Variants in CTTNBP2 observed in about 807,000 individuals in gnomAD.
CTTNBP2 encodes cortactin binding protein 2, also known as cortactin-binding protein 2.
In CTTNBP2, 108 loss-of-function variants were observed where a neutral mutation model predicts 156.9. The observed-to-expected ratio is 0.69, with a 90% CI of 0.59 to 0.81. CTTNBP2 has a LOEUF of 0.81. Ranked by LOEUF, CTTNBP2 falls within the 30% of genes least tolerant of loss-of-function variation. CTTNBP2 has a pLI of 0.00. For missense variants in CTTNBP2, 1,924 were observed against 2,035.4 expected (o/e 0.95, Z 1.05); for synonymous variants, 767 against 751.8 (o/e 1.02, Z -0.33).
chr7:117,757,726 T>C, intron 11 of CTTNBP2, 149 bp downstream of exon 11: 1 of 561,526 alleles, frequency 1.8e-6, no homozygotes, highest in Middle Eastern at 3.0e-4. Context: ...AATCAAACAT[T>C]TTAAAAACAT....
chr7:117,794,318 A>C (rs1480487454), intron 3 of CTTNBP2, among the ~76,000 whole-genome samples: 1 of 152,068 alleles, frequency 6.6e-6, no homozygotes, highest in African/African-American at 2.4e-5. Flanking sequence ...GTTGGCCTAC[A>C]TGCCTCACTT....
At chr7:117,849,217 G>A (rs952746834) in intron 2 of CTTNBP2, among the ~76,000 whole-genome samples, 2 of 152,146 alleles carry the variant, frequency 1.3e-5, no homozygotes, top group Admixed American at 1.3e-4. Flanking sequence ...CCGCAAACCC[G>A]ATGTGATGTT....
At chr7:117,863,125 A>G (rs1219456115) in intron 1 of CTTNBP2, among the ~76,000 whole-genome samples, 1 of 152,206 alleles carries the variant, frequency 6.6e-6, no homozygotes, top group Admixed American at 6.5e-5. Flanking sequence ...TTTCAAAATA[A>G]TCTTCTGGAA....
chr7:117,762,806 A>C (rs545593151), intron 9 of CTTNBP2, among the ~76,000 whole-genome samples: 7 of 152,250 alleles, frequency 4.6e-5, no homozygotes, highest in African/African-American at 1.4e-4. Context: ...CCTGCACTCA[A>C]ACACTGAAAT....
At chr7:117,835,075 C>T (rs928026909) in intron 2 of CTTNBP2, among the ~76,000 whole-genome samples, 10 of 152,198 alleles carry the variant, frequency 6.6e-5, no homozygotes, top group Admixed American at 5.2e-4. Flanking sequence ...TGCACACCTC[C>T]GTAGGTGGAA....
At chr7:117,828,719 A>G (rs912836622) in intron 2 of CTTNBP2, among the ~76,000 whole-genome samples, 5 of 152,192 alleles carry the variant, frequency 3.3e-5, no homozygotes, top group Non-Finnish European at 7.3e-5. Flanking sequence ...ATATTACATC[A>G]TTTATTCAAT....
At position 117,783,102 on chromosome 7, in the gene CTTNBP2, C is replaced by T. The variant is rs1798519070; in HGVS notation, c.2273-141G>A. On this transcript the variant is annotated intron_variant, in intron 5 of 22. Coordinates refer to ENST00000160373, the MANE Select transcript of CTTNBP2 (RefSeq NM_033427.3). ...ATCTCAGAATTCCATCATGGCAGAC[C>T]TGAGACTCTGTAGACTATTTTACAG... is the stretch of plus-strand genomic sequence containing the variant. 8.6e-6 allele frequency: 5 copies of T among 582,566 alleles called. No homozygotes were observed. In the South Asian group the frequency reaches 1.2e-4, roughly 14 times the overall value. The allele number at this position is 582,566 out of a possible 1,614,324, so 36.1% of individuals were successfully genotyped here.
chr7:117,722,800 C>T (rs1342195694), intron 19 of CTTNBP2, among the ~76,000 whole-genome samples: 5 of 152,118 alleles, frequency 3.3e-5, no homozygotes, highest in Admixed American at 6.6e-5. Context: ...GATCACTGCA[C>T]GTCTAATAAG....
chr7:117,729,747 C>T (rs1411410127), intron 16 of CTTNBP2, among the ~76,000 whole-genome samples: 2 of 152,066 alleles, frequency 1.3e-5, no homozygotes, highest in Non-Finnish European at 2.9e-5. Flanking sequence ...CAGATCCCTT[C>T]CAGACTGGCA....
At chr7:117,864,686 A>G (rs1316043729) in intron 1 of CTTNBP2, among the ~76,000 whole-genome samples, 1 of 110,034 alleles carries the variant, frequency 9.1e-6, no homozygotes, top group Non-Finnish European at 2.2e-5. Context: ...ATTTATATAT[A>G]TTCATATATA....
chr7:117,719,712 T>C (rs1794673791), intron 20 of CTTNBP2, 76 bp from the exon 21 acceptor site: 1 of 1,290,650 alleles, frequency 7.7e-7, no homozygotes, highest in Non-Finnish European at 1.1e-6. Context: ...CTGTACCTTT[T>C]TTGGGATTTG....
chr7:117,747,836 A>C (rs954189263), intron 12 of CTTNBP2, among the ~76,000 whole-genome samples: 1 of 152,168 alleles, frequency 6.6e-6, no homozygotes, highest in Non-Finnish European at 1.5e-5. Context: ...GTTGGTGAGC[A>C]CTTCTGGGAA....
chr7:117,749,239 G>A (rs1796496839), intron 12 of CTTNBP2, among the ~76,000 whole-genome samples: 1 of 152,206 alleles, frequency 6.6e-6, no homozygotes, highest in Non-Finnish European at 1.5e-5. Context: ...GAAACCAGAG[G>A]AAGAATTTTG....
chr7:117,809,455 A>C lies in CTTNBP2; in HGVS notation c.414+1310T>G, dbSNP rs533673875. 8.5e-5 allele frequency among the ~76,000 whole-genome samples: 13 copies of C among 152,340 alleles called. No homozygotes were observed. In the South Asian group the frequency reaches 2.1e-3, roughly 24 times the overall value. On this transcript the variant is annotated intron_variant, in intron 3 of 22. Coordinates refer to ENST00000160373, the MANE Select transcript of CTTNBP2 (RefSeq NM_033427.3). ...GTATCCCATCCAAGAAATACAAATG[A>C]GTTTCAGTGACATCAGCTGAAATTC... is the stretch of plus-strand genomic sequence containing the variant.
rs961985169 is a variant in CTTNBP2, at chr7:117,718,179, C to G, written c.4645-60G>C. The G allele has an allele frequency of 3.0e-6, 3 of 1,012,322 alleles. 1 individual carries two copies. The South Asian group carries it at 4.0e-5, about 13-fold the overall frequency. The allele number at this position is 1,012,322 out of a possible 1,614,324, so 62.7% of individuals were successfully genotyped here. On this transcript the variant is annotated intron_variant, in intron 21 of 22. Coordinates refer to ENST00000160373, the MANE Select transcript of CTTNBP2 (RefSeq NM_033427.3). ...ACAGTCACACTGTGCATACTCAAGGCACAGCTAAATGGTGGAGAAATCACA... is the reference window on the plus strand; with the variant it reads ...ACAGTCACACTGTGCATACTCAAGGGACAGCTAAATGGTGGAGAAATCACA...
At chr7:117,776,439 T>C (rs766429363) in intron 8 of CTTNBP2, among the ~76,000 whole-genome samples, 1 of 152,180 alleles carries the variant, frequency 6.6e-6, no homozygotes, top group Non-Finnish European at 1.5e-5. Flanking sequence ...CCAAACTCCT[T>C]GCTATGTCAT....
chr7:117,813,211 C>T (rs971754271), intron 2 of CTTNBP2, among the ~76,000 whole-genome samples: 18 of 152,074 alleles, frequency 1.2e-4, no homozygotes, highest in Non-Finnish European at 1.5e-4. Context: ...GAGGAACACC[C>T]CCTTTTGCAC....
intron 12 of CTTNBP2, among the ~76,000 whole-genome samples, chr7:117,750,663 G>A (rs1343400264): frequency 6.6e-6 from 1 of 152,104 alleles, no homozygotes; most frequent in Non-Finnish European, 1.5e-5. Context: ...CTGGGAACCT[G>A]TTACTCTATC....
At chr7:117,778,510 G>C (rs1025941549) in intron 7 of CTTNBP2, among the ~76,000 whole-genome samples, 2 of 152,168 alleles carry the variant, frequency 1.3e-5, no homozygotes, top group East Asian at 3.8e-4. Flanking sequence ...CTCAGGTGTG[G>C]TCCCCAGACC....
Sources: allele counts gnomAD v4.1 joint callset (sites outside exome capture counted in the v4.1 genomes callset), GRCh38; gene constraint gnomAD v4.1.1; transcripts MANE v1.5; gene names NCBI Gene and HGNC (gene_info 2026-07-23, HGNC 2026-07-21).